The following SERTM1 variants were observed in gnomAD, a reference collection of about 807,000 sequenced individuals.
The protein encoded by SERTM1 is serine-rich and transmembrane domain-containing protein 1.
SERTM1 carries 1 observed loss-of-function variant against 5.5 expected under a neutral mutation model. The ratio of observed to expected loss-of-function variants is 0.18; its 90% confidence interval spans 0.06 to 0.86. The LOEUF is 0.86. Among genes scored for constraint, SERTM1 ranks in the 40% least tolerant of loss-of-function variants. The probability of loss-of-function intolerance (pLI) is 0.69; values close to 1 mark genes in which losing one functional copy is unlikely to be tolerated. For synonymous variants in SERTM1, 52 were observed against 55.1 expected, an observed-to-expected ratio of 0.94 and a Z score of 0.25; for missense variants, 91 against 122.4, an observed-to-expected ratio of 0.74 and a Z score of 1.21.
intron 1 of SERTM1, among the ~76,000 whole-genome samples, chr13:36,684,172 C>A (rs1156380370): frequency 1.3e-5 from 2 of 152,108 alleles, no homozygotes; most frequent in Non-Finnish European, 2.9e-5. Flanking sequence ...TGGTGGGTGC[C>A]TCTACTCCCA....
In SERTM1 at chr13:36,694,958, T is replaced by C. The variant is rs1593403181; in HGVS notation, c.-121T>C. On this transcript the variant is annotated 5_prime_UTR_variant, in exon 2 of 2. Coordinates refer to ENST00000315190, the MANE Select transcript of SERTM1 (RefSeq NM_203451.3). The stretch of plus-strand genomic sequence containing the variant: ...CTTTGAGAAACAAGTTTTGTTGTGC[T>C]GATTTAACAGCCTGTGAATTCTGCA... 4.2e-6 allele frequency: 3 copies of C among 707,894 alleles called. No homozygotes were observed. Among genetic ancestry groups the C allele is most frequent in the East Asian group, 5.1e-5 (2 of 39,502 alleles). The allele number at this position is 707,894 out of a possible 1,614,324, so 43.9% of individuals were successfully genotyped here. A position where few individuals can be genotyped will look rare whatever the true frequency, so the allele number is the denominator to read the frequency against.
At chr13:36,674,556 C>A (rs1245112406) in intron 1 of SERTM1, among the ~76,000 whole-genome samples, 2 of 152,034 alleles carry the variant, frequency 1.3e-5, no homozygotes, top group African/African-American at 4.8e-5. Flanking sequence ...AAGGTGGATT[C>A]CTCCATGCAA....
At chr13:36,679,510 C>A (rs531278988) in intron 1 of SERTM1, among the ~76,000 whole-genome samples, 2 of 152,140 alleles carry the variant, frequency 1.3e-5, no homozygotes, top group Middle Eastern at 3.2e-3. Flanking sequence ...CACGTTCAAG[C>A]GATTCTCCTG....
chr13:36,674,666 C>T (rs1046487142), intron 1 of SERTM1, among the ~76,000 whole-genome samples: 15 of 152,058 alleles, frequency 9.9e-5, no homozygotes, highest in African/African-American at 3.6e-4. Context: ...TGTTTTGCTC[C>T]TGTCTGATTT....
chr13:36,678,679 T>TTTTATATATATATATATA (rs977518657), intron 1 of SERTM1, among the ~76,000 whole-genome samples: 1 of 133,682 alleles, frequency 7.5e-6, no homozygotes, highest in African/African-American at 2.8e-5. Context: ...AAAATAAAAT[T>TTTTATATATATATATATA]TATATATATA....
At chr13:36,689,548 T>TAG (rs1413266103) in intron 1 of SERTM1, among the ~76,000 whole-genome samples, 1 of 148,340 alleles carries the variant, frequency 6.7e-6, no homozygotes, top group African/African-American at 2.5e-5. Context: ...ATAATAATAG[T>TAG]TTTTTTCCCC....
intron 1 of SERTM1, among the ~76,000 whole-genome samples, chr13:36,689,791 A>C (rs1467090284): frequency 6.6e-6 from 1 of 151,906 alleles, no homozygotes; most frequent in African/African-American, 2.4e-5. Flanking sequence ...GAATTAGTGC[A>C]AAATAAGTTC....
intron 1 of SERTM1, among the ~76,000 whole-genome samples, chr13:36,674,634 T>G (rs941315887): frequency 6.6e-6 from 1 of 152,112 alleles, no homozygotes; most frequent in African/African-American, 2.4e-5. Flanking sequence ...CTTTGTGGTG[T>G]GTGGAGGGTC....
intron 1 of SERTM1, among the ~76,000 whole-genome samples, chr13:36,675,809 G>A (rs540040405): frequency 2.0e-5 from 3 of 152,282 alleles, no homozygotes; most frequent in Non-Finnish European, 2.9e-5. Flanking sequence ...TAGGGCCGCC[G>A]AAGCCTCTGC....
At chr13:36,677,804 T>C (rs556845772) in intron 1 of SERTM1, among the ~76,000 whole-genome samples, 2 of 152,354 alleles carry the variant, frequency 1.3e-5, no homozygotes, top group East Asian at 3.9e-4. Flanking sequence ...TTAAACTGGC[T>C]TGGTCCTTAT....
chr13:36,685,217 G>A (rs139149111), intron 1 of SERTM1, among the ~76,000 whole-genome samples: 176 of 152,266 alleles, frequency 1.2e-3, no homozygotes, highest in Middle Eastern at 6.8e-3. Context: ...TCGCTGTGCC[G>A]CCTGTGAGAG....
chr13:36,681,439 T>C (rs541576119), intron 1 of SERTM1, among the ~76,000 whole-genome samples: 6 of 152,244 alleles, frequency 3.9e-5, no homozygotes, highest in Non-Finnish European at 8.8e-5. Context: ...GATAAAAATG[T>C]AAACATTTTC....
rs745651375 is a variant in SERTM1 at position 36,696,613 on chromosome 13, G to A, written c.*1211G>A. 6.0e-6 allele frequency: 1 copy of A among 166,890 alleles called. No homozygotes were observed. Among genetic ancestry groups the A allele is most frequent in the Admixed American group, 6.5e-5 (1 of 15,274 alleles). 10.3% of individuals were successfully genotyped at this position (166,890 alleles called of 1,614,324 possible). On this transcript the variant is annotated 3_prime_UTR_variant, in exon 2 of 2. Coordinates refer to ENST00000315190, the MANE Select transcript of SERTM1 (RefSeq NM_203451.3). ...CAGAGTATGTCTGAACTCGGCGGGC[G>A]GGTGGCAGGGGCTGTCTGTGAAATT...
Position 36,694,267 on chromosome 13 carries a change from C to T in SERTM1, c.-173-639C>T, listed in dbSNP as rs966917567. Among the ~76,000 whole-genome samples the T allele has an allele frequency of 1.2e-4, 18 of 152,286 alleles. 1 individual carries two copies. The highest frequency in any genetic ancestry group is 7.2e-4 in the Admixed American group (11 of 15,300). On this transcript the variant is annotated intron_variant, in intron 1 of 1. Transcript: ENST00000315190. ...CCAACCTGATACTCTCTCTACCATT[C>T]GGAGAGAATCTAACCTTTGTTCTTC...
chr13:36,686,369 C>T (rs556122131), intron 1 of SERTM1, among the ~76,000 whole-genome samples: 2 of 152,248 alleles, frequency 1.3e-5, no homozygotes, highest in South Asian at 4.2e-4. Flanking sequence ...GCTGACTTAG[C>T]GCATATTTTT....
At chr13:36,680,109 C>T (rs1486061818) in intron 1 of SERTM1, among the ~76,000 whole-genome samples, 2 of 152,110 alleles carry the variant, frequency 1.3e-5, no homozygotes, top group Non-Finnish European at 2.9e-5. Flanking sequence ...ACACTGATTC[C>T]AGAGCATTTT....
rs765476413 is a variant in SERTM1 at position 36,678,679 on chromosome 13, T to TTATATATATATATATATATATATATATA, written c.-174+4511_-174+4512insTATATATATATATATATATATATATATA. The stretch of plus-strand genomic sequence containing the variant: ...CCTGGAACTTAAAATAAAATAAAAT[T>TTATATATATATATATATATATATATATA]TATATATATATATATAAAATATAGT... On this transcript the variant is annotated intron_variant, in intron 1 of 1. Coordinates refer to ENST00000315190, the MANE Select transcript of SERTM1 (RefSeq NM_203451.3). Among the ~76,000 whole-genome samples, 612 of 133,406 alleles carry TTATATATATATATATATATATATATATA rather than the reference T, an allele frequency of 4.6e-3. 9 individuals are homozygous for TTATATATATATATATATATATATATATA. The highest frequency in any genetic ancestry group is 7.9e-3 in the African/African-American group (281 of 35,390). The allele number at this position is 133,406 out of a possible 152,430, so 87.5% of individuals were successfully genotyped here.
intron 1 of SERTM1, among the ~76,000 whole-genome samples, chr13:36,687,014 T>C (rs1311774182): frequency 6.6e-6 from 1 of 152,172 alleles, no homozygotes; most frequent in African/African-American, 2.4e-5. Context: ...TATCATACTT[T>C]GACTGTCAGC....
intron 1 of SERTM1, among the ~76,000 whole-genome samples, chr13:36,688,964 A>G (rs552599037): frequency 4.6e-5 from 7 of 152,304 alleles, no homozygotes; most frequent in African/African-American, 1.7e-4. Flanking sequence ...TATGTTAGCC[A>G]AGATGGGTCC....
Sources: gnomAD v4.1 joint callset for allele counts (sites outside exome capture counted in the v4.1 genomes callset) on GRCh38, gnomAD v4.1.1 for gene constraint, MANE v1.5 for transcripts, NCBI Gene and HGNC (gene_info 2026-07-23, HGNC 2026-07-21) for gene names.